The following B2M variants were observed in gnomAD, a reference collection of about 807,000 sequenced individuals.
The protein encoded by B2M is beta chain of MHC class I molecules.
B2M carries 3 observed loss-of-function variants against 14.5 expected under a neutral mutation model. The ratio of observed to expected loss-of-function variants is 0.21; its 90% confidence interval spans 0.09 to 0.53. B2M has a LOEUF of 0.53. Ranked by LOEUF, B2M falls within the 20% of genes least tolerant of loss-of-function variation. B2M has a pLI of 0.95. For missense variants in B2M, 107 were observed against 140.8 expected (o/e 0.76, Z 1.21); for synonymous variants, 45 against 52.7 (o/e 0.85, Z 0.64).
rs1419700595 is a variant in B2M, at chr15:44,715,637, A to T, written c.282A>T (p.Glu94Asp). 3 of 1,614,088 alleles carry T rather than the reference A, an allele frequency of 1.9e-6. No individual in the cohort carries two copies. In the South Asian group the frequency reaches 3.3e-5, roughly 18 times the overall value. ...ACTACACTGAATTCACCCCCACTGA[A>T]AAAGATGAGTATGCCTGCCGTGTGA... Reference protein sequence around the residue: ...LLYYTEFTPTEKDEYACRVNH... With the variant: ...LLYYTEFTPTDKDEYACRVNH... The change falls in exon 2 of 4, where the codon GAA (glutamate) becomes GAT (aspartate). Residue 94 changes from glutamate (E) to aspartate (D), a missense_variant. Glu to Asp is a conservative substitution (Grantham distance 45, BLOSUM62 2). Transcript: ENST00000648006.
chr15:44,715,289 C>A, intron 1 of B2M, 134 bp from the exon 2 acceptor site: 2 of 1,070,326 alleles, frequency 1.9e-6, no homozygotes, highest in Non-Finnish European at 1.4e-6. Flanking sequence ...GCTCATTTGG[C>A]CAGAGTGGAA....
chr15:44,717,083 A>T (rs1246768451), intron 3 of B2M: 1 of 152,300 alleles, frequency 6.6e-6, no homozygotes, highest in East Asian at 1.9e-4. Flanking sequence ...TGATCTGCCC[A>T]GTCACACTGT....
chr15:44,715,782 G>T (rs1449142250), intron 2 of B2M, 81 bp downstream of exon 2: 3 of 1,545,458 alleles, frequency 1.9e-6, no homozygotes, highest in South Asian at 1.1e-5. Flanking sequence ...TATAAAAAAG[G>T]TCTATGGCCA....
At chr15:44,711,982 G>A (rs951882518) in intron 1 of B2M, 5 of 416,734 alleles carry the variant, frequency 1.2e-5, no homozygotes, top group African/African-American at 8.1e-5. Context: ...CAGCTGGAGT[G>A]GGGGACGGGT....
intron 3 of B2M, chr15:44,716,641 A>T (rs1461411240): frequency 1.6e-5 from 8 of 503,130 alleles, no homozygotes; most frequent in Non-Finnish European, 2.1e-5. Flanking sequence ...CATTACCTGC[A>T]AGGCTTTGAT....
At chr15:44,711,972 C>T in intron 1 of B2M, 1 of 437,728 alleles carries the variant, frequency 2.3e-6, no homozygotes, top group Non-Finnish European at 4.3e-6. Context: ...TCCCCCAGCG[C>T]AGCTGGAGTG....
chr15:44,712,559 T>A (rs566296465), intron 1 of B2M, among the ~76,000 whole-genome samples: 4 of 152,366 alleles, frequency 2.6e-5, no homozygotes, highest in Non-Finnish European at 2.9e-5. Context: ...CATTTTTTTT[T>A]AAGAAAAACG....
chr15:44,711,704 C>A, intron 1 of B2M, 91 bp downstream of exon 1: 1 of 1,466,960 alleles, frequency 6.8e-7, no homozygotes, highest in East Asian at 2.3e-5. Context: ...CCGTGACTTC[C>A]CTTCTCCAAG....
chr15:44,717,878 G>T lies in B2M; in HGVS notation c.*286G>T, dbSNP rs1388649260. The T allele has an allele frequency of 6.6e-6, 1 of 152,174 alleles. No homozygotes were observed. Among genetic ancestry groups the T allele is most frequent in the Non-Finnish European group, 1.5e-5 (1 of 68,038 alleles). The allele number at this position is 152,174 out of a possible 1,614,324, so 9.4% of individuals were successfully genotyped here. Reference sequence around the variant, plus strand: ...TTATCCAACATCAACATCTTGGTCAGATTTGAACTCTTCAATCTCTTGCAC... The same window carrying T: ...TTATCCAACATCAACATCTTGGTCATATTTGAACTCTTCAATCTCTTGCAC... On this transcript the variant is annotated 3_prime_UTR_variant, in exon 4 of 4. Coordinates refer to ENST00000648006, the MANE Select transcript of B2M (RefSeq NM_004048.4).
In B2M at chr15:44,716,318, C is replaced by CT. The variant is rs1566877527; in HGVS notation, c.347-6dup. On this transcript the variant is annotated splice_polypyrimidine_tract_variant and intron_variant, in intron 2 of 3. Transcript: ENST00000648006. ...TGTCTTCCTTTTTTTTCTCCACTGT[C>CT]TTTTTCATAGATCGAGACATGTAAG... The CT allele has an allele frequency of 1.2e-6, 2 of 1,611,532 alleles. No homozygotes were observed. The highest frequency in any genetic ancestry group is 1.7e-6 in the Non-Finnish European group (2 of 1,177,758).
intron 2 of B2M, 89 bp downstream of exon 2, chr15:44,715,790 C>A (rs1408387698): frequency 1.4e-6 from 2 of 1,470,330 alleles, no homozygotes; most frequent in Non-Finnish European, 1.9e-6. Flanking sequence ...AGGTCTATGG[C>A]CATACTACCC....
In B2M at chr15:44,716,620, G is replaced by A. The variant is rs2086944569; in HGVS notation, c.*14+264G>A. 2.8e-5 allele frequency: 15 copies of A among 526,362 alleles called. No homozygotes were observed. In the South Asian group the frequency reaches 4.1e-4, roughly 14 times the overall value. The allele number at this position is 526,362 out of a possible 1,614,324, so 32.6% of individuals were successfully genotyped here. ...GTATGGTATTGCAGGATAAAGGCAG[G>A]TGGTTACCCACATTACCTGCAAGGC... On this transcript the variant is annotated intron_variant, in intron 3 of 3. Coordinates refer to ENST00000648006, the MANE Select transcript of B2M (RefSeq NM_004048.4).
At chr15:44,711,673 C>A in intron 1 of B2M, 60 bp downstream of exon 1, 1 of 1,551,670 alleles carries the variant, frequency 6.4e-7, no homozygotes, top group Non-Finnish European at 8.9e-7. Context: ...CCCTCTGTGG[C>A]CCTCGCTGTG....
At chr15:44,716,289 T>G in intron 2 of B2M, 40 bp from the exon 3 acceptor site, 2 of 1,596,002 alleles carry the variant, frequency 1.3e-6, no homozygotes, top group Non-Finnish European at 1.7e-6. Context: ...AAAGTAAAAC[T>G]TAATGTCTTC....
intron 1 of B2M, chr15:44,712,067 C>T (rs1033068756): frequency 1.8e-5 from 6 of 327,844 alleles, no homozygotes; most frequent in African/African-American, 1.1e-4. Context: ...GGAGGCGTCG[C>T]CCGGGTAAGC....
intron 1 of B2M, chr15:44,714,958 C>A: frequency 1.1e-4 from 24 of 209,792 alleles, no homozygotes; most frequent in South Asian, 2.6e-4. Flanking sequence ...GGGGTGGAAA[C>A]AGAGTACAAT....
intron 1 of B2M, among the ~76,000 whole-genome samples, chr15:44,712,528 G>A (rs2086889801): frequency 6.6e-6 from 1 of 152,240 alleles, no homozygotes; most frequent in Non-Finnish European, 1.5e-5. Flanking sequence ...GGGAGCGCAT[G>A]CCTTTTGGCT....
intron 2 of B2M, 22 bp downstream of exon 2, chr15:44,715,723 A>C: frequency 6.2e-7 from 1 of 1,613,866 alleles, no homozygotes; most frequent in Non-Finnish European, 8.5e-7. Flanking sequence ...ATTCTTTTGT[A>C]AGCTGCTGAA....
chr15:44,712,559 T>C (rs566296465), intron 1 of B2M, among the ~76,000 whole-genome samples: 2 of 152,248 alleles, frequency 1.3e-5, no homozygotes, highest in East Asian at 3.8e-4. Flanking sequence ...CATTTTTTTT[T>C]AAGAAAAACG....
Sources: gnomAD v4.1 joint callset for allele counts (sites outside exome capture counted in the v4.1 genomes callset) on GRCh38, gnomAD v4.1.1 for gene constraint, MANE v1.5 for transcripts, NCBI Gene and HGNC (gene_info 2026-07-23, HGNC 2026-07-21) for gene names.